Variants in SYNJ2 observed in about 807,000 individuals in gnomAD.
SYNJ2 encodes synaptojanin 2.
Under a neutral mutation model 141.3 loss-of-function variants are expected in SYNJ2, and 116 were observed. The ratio of observed to expected loss-of-function variants is 0.82; its 90% CI spans 0.71 to 0.96. SYNJ2 has a LOEUF of 0.96. Ranked by LOEUF, SYNJ2 falls within the 40% of genes least tolerant of loss-of-function variation. The probability of loss-of-function intolerance (pLI) is 0.00; values close to 1 mark genes in which losing one functional copy is unlikely to be tolerated. For synonymous variants in SYNJ2, 745 were observed against 777.7 expected (o/e 0.96, Z 0.70); for missense variants, 1,873 against 1,934.8 (o/e 0.97, Z 0.60).
intron 5 of SYNJ2, among the ~76,000 whole-genome samples, chr6:158,051,737 G>A (rs1161467321): frequency 1.3e-5 from 2 of 151,384 alleles, no homozygotes; most frequent in African/African-American, 2.4e-5. Context: ...ACTTGAGCCC[G>A]GGAGTTCAAG....
At chr6:158,033,991 A>G (rs1779510971) in intron 4 of SYNJ2, among the ~76,000 whole-genome samples, 1 of 152,240 alleles carries the variant, frequency 6.6e-6, no homozygotes, top group East Asian at 1.9e-4. Flanking sequence ...TTCCAAGGGC[A>G]GCTGACAGAT....
At chr6:158,073,579 A>G (rs1467905576) in intron 15 of SYNJ2, among the ~76,000 whole-genome samples, 2 of 152,232 alleles carry the variant, frequency 1.3e-5, no homozygotes, top group Admixed American at 1.3e-4. Flanking sequence ...AAAATTAAAT[A>G]ACATTTAAAA....
intron 5 of SYNJ2, among the ~76,000 whole-genome samples, chr6:158,051,549 C>A (rs1395403281): frequency 1.3e-5 from 2 of 151,984 alleles, no homozygotes; most frequent in Non-Finnish European, 2.9e-5. Flanking sequence ...TTCTTAGGAG[C>A]TCCATTAGCC....
intron 1 of SYNJ2, among the ~76,000 whole-genome samples, chr6:157,998,173 G>A (rs1346990590): frequency 6.6e-6 from 1 of 152,194 alleles, no homozygotes; most frequent in East Asian, 1.9e-4. Context: ...GTTTTTGCAG[G>A]TGGCTGCACA....
At chr6:158,049,774 G>C (rs114295683) in intron 5 of SYNJ2, among the ~76,000 whole-genome samples, 2 of 151,788 alleles carry the variant, frequency 1.3e-5, no homozygotes, top group Non-Finnish European at 2.9e-5. Context: ...GTGGGGACAT[G>C]GCTCTGCAGG....
intron 1 of SYNJ2, among the ~76,000 whole-genome samples, chr6:157,985,953 G>A (rs1777185370): frequency 1.3e-5 from 2 of 152,240 alleles, no homozygotes; most frequent in African/African-American, 4.8e-5. Flanking sequence ...CTGCTGTTGT[G>A]CGAGGCCACG....
At chr6:158,059,844 C>T (rs916633674) in intron 7 of SYNJ2, among the ~76,000 whole-genome samples, 7 of 152,182 alleles carry the variant, frequency 4.6e-5, no homozygotes, top group Admixed American at 6.5e-5. Context: ...CGTGAGCCAC[C>T]GCGCCCGGCC....
At position 158,040,276 on chromosome 6, in the gene SYNJ2, G is replaced by A. The variant is rs1057118557; in HGVS notation, c.712-3040G>A. 2.0e-5 allele frequency among the ~76,000 whole-genome samples: 3 copies of A among 147,386 alleles called. No homozygotes were observed. The highest frequency in any genetic ancestry group is 2.9e-5 in the Non-Finnish European group (2 of 68,018). On this transcript the variant is annotated intron_variant, in intron 4 of 26. Transcript: ENST00000355585. This position sits in a 1 kb window ranked among gnomAD's most constrained non-coding sequence, Gnocchi z 4.2. ...GTGCATTTGTGTATACATGTGTGTG[G>A]TGTGTGCCTTGTGTTTGTTTTTCAT...
chr6:158,029,027 G>T lies in SYNJ2; in HGVS notation c.485+1G>T, dbSNP rs1365419142. 1 of 1,614,020 alleles carries T rather than the reference G, an allele frequency of 6.2e-7. No homozygotes were observed. Among genetic ancestry groups the T allele is most frequent in the Non-Finnish European group, 8.5e-7 (1 of 1,179,916 alleles). On this transcript the variant is annotated splice_donor_variant, in intron 3 of 26. Coordinates refer to ENST00000355585, the MANE Select transcript of SYNJ2 (RefSeq NM_003898.4). LOFTEE classifies it high-confidence loss of function. ...CTGAATGGGGGAACTCCTTCTTCTG[G>T]TGAGGCCCTGGGTCCCCTGCAGAGG...
intron 1 of SYNJ2, among the ~76,000 whole-genome samples, chr6:158,006,727 C>T (rs1478753370): frequency 6.6e-6 from 1 of 152,200 alleles, no homozygotes; most frequent in Non-Finnish European, 1.5e-5. Flanking sequence ...GGCTGGAGTG[C>T]AGTGGTGCGA....
chr6:157,984,432 T>G (rs1265518945), intron 1 of SYNJ2, among the ~76,000 whole-genome samples: 1 of 152,186 alleles, frequency 6.6e-6, no homozygotes, highest in Non-Finnish European at 1.5e-5. Context: ...GGAGCTTCAC[T>G]CTTGTTGCCT....
intron 4 of SYNJ2, among the ~76,000 whole-genome samples, chr6:158,039,407 G>A (rs1366740678): frequency 2.6e-5 from 4 of 152,228 alleles, no homozygotes; most frequent in African/African-American, 4.8e-5. Flanking sequence ...AAGCAGCCCC[G>A]TGAGGATCGG....
At chr6:158,023,064 A>G (rs1319880637) in intron 2 of SYNJ2, among the ~76,000 whole-genome samples, 4 of 152,128 alleles carry the variant, frequency 2.6e-5, no homozygotes, top group African/African-American at 7.2e-5. Flanking sequence ...AGCCTGGGCT[A>G]TGTAGCAAGA....
intron 14 of SYNJ2, 121 bp downstream of exon 14, chr6:158,069,794 A>G (rs924395803): frequency 1.6e-6 from 2 of 1,251,604 alleles, no homozygotes; most frequent in African/African-American, 1.5e-5. Context: ...ACTTACCATT[A>G]TTTTAGATAA....
chr6:158,019,517 G>C (rs567674959), intron 2 of SYNJ2, among the ~76,000 whole-genome samples: 288 of 152,300 alleles, frequency 1.9e-3, no homozygotes, highest in Non-Finnish European at 3.5e-3. Context: ...GGGTGTCTGC[G>C]GGGGTCAGCA....
In SYNJ2 at chr6:158,071,946, C is replaced by T. The variant is rs1781956305; in HGVS notation, c.2133+152C>T. The T allele has an allele frequency of 1.0e-6, 1 of 958,040 alleles. No homozygotes were observed. The highest frequency in any genetic ancestry group is 1.5e-6 in the Non-Finnish European group (1 of 667,562). 59.3% of individuals were successfully genotyped at this position (958,040 alleles called of 1,614,324 possible). ...GGGGGAGGGGGAGAGGGCTATGTCC[C>T]TCCATGGAATTGACCTGGGGCAGGG... On this transcript the variant is annotated intron_variant, in intron 15 of 26. Coordinates refer to ENST00000355585, the MANE Select transcript of SYNJ2 (RefSeq NM_003898.4). This position sits in a 1 kb window ranked among gnomAD's most constrained non-coding sequence, Gnocchi z 4.3.
intron 6 of SYNJ2, among the ~76,000 whole-genome samples, chr6:158,057,550 A>T (rs1263057833): frequency 1.3e-5 from 2 of 152,244 alleles, no homozygotes; most frequent in Non-Finnish European, 2.9e-5. Context: ...GCCAGCTCAG[A>T]AGGGATGAAT....
intron 15 of SYNJ2, among the ~76,000 whole-genome samples, chr6:158,072,915 C>CA (rs979154683): frequency 5.4e-4 from 82 of 151,150 alleles, no homozygotes; most frequent in African/African-American, 1.9e-3. Flanking sequence ...ACTGAAAATA[C>CA]AAAAAAAATT....
chr6:157,996,573 A>G (rs1246107848), intron 1 of SYNJ2, among the ~76,000 whole-genome samples: 3 of 152,036 alleles, frequency 2.0e-5, no homozygotes, highest in African/African-American at 4.8e-5. Context: ...CCCCCAGGTG[A>G]TATGGTTTGG....
Sources: gnomAD v4.1 joint callset for allele counts (sites outside exome capture counted in the v4.1 genomes callset) on GRCh38, gnomAD v4.1.1 for gene constraint, Gnocchi (gnomAD v3.1) non-coding constraint, MANE v1.5 for transcripts, NCBI Gene and HGNC (gene_info 2026-07-23, HGNC 2026-07-21) for gene names.